RARB: variants seen among roughly 807,000 people sequenced by gnomAD.
RARB encodes the protein retinoic acid receptor beta, also known as HBV-activated protein.
Under a neutral mutation model 51.9 loss-of-function variants are expected in RARB, and 17 were observed. The ratio of observed to expected loss-of-function variants is 0.33; its 90% CI spans 0.22 to 0.49. RARB has a LOEUF of 0.49. Ranked by LOEUF, RARB falls within the 20% of genes least tolerant of loss-of-function variation. The pLI, the probability that RARB is intolerant of heterozygous loss-of-function variation, is 0.99. For synonymous variants in RARB, 215 were observed against 195.4 expected (o/e 1.10, Z -0.84); for missense variants, 369 against 550.8 (o/e 0.67, Z 3.30).
intron 3 of RARB, among the ~76,000 whole-genome samples, chr3:25,086,304 A>C (rs188857702): frequency 1.1e-3 from 160 of 152,332 alleles, no homozygotes; most frequent in Non-Finnish European, 9.6e-4. Flanking sequence ...GATAGTGGGC[A>C]AAGTAACTTC....
At chr3:24,942,011 A>C (rs1293881281) in intron 2 of RARB, among the ~76,000 whole-genome samples, 1 of 152,230 alleles carries the variant, frequency 6.6e-6, no homozygotes, top group Admixed American at 6.5e-5. Context: ...TTTCCACAGC[A>C]CAGAAATGAT....
chr3:25,173,396 A>G (rs1042605930), intron 4 of RARB, among the ~76,000 whole-genome samples: 8 of 152,222 alleles, frequency 5.3e-5, no homozygotes, highest in African/African-American at 1.7e-4. Flanking sequence ...ATTGGTGAAT[A>G]GGTGACTGGA....
chr3:24,839,695 C>T (rs1355161978), intron 1 of RARB, among the ~76,000 whole-genome samples: 3 of 90,028 alleles, frequency 3.3e-5, no homozygotes, highest in African/African-American at 9.7e-5. Context: ...CGGACCAAGA[C>T]GCTGTCTCAA....
At chr3:24,962,415 T>C (rs1037803583) in intron 2 of RARB, among the ~76,000 whole-genome samples, 1 of 152,142 alleles carries the variant, frequency 6.6e-6, no homozygotes, top group Non-Finnish European at 1.5e-5. Context: ...GACAATCAGA[T>C]ATGTCTCAAG....
intron 3 of RARB, among the ~76,000 whole-genome samples, chr3:25,073,143 A>G (rs1393153776): frequency 6.6e-6 from 1 of 152,230 alleles, no homozygotes; most frequent in Non-Finnish European, 1.5e-5. Context: ...AAGCCAGGCA[A>G]GTGATGTGTG....
At chr3:25,276,621 G>A (rs1270821647) in intron 5 of RARB, among the ~76,000 whole-genome samples, 3 of 152,148 alleles carry the variant, frequency 2.0e-5, no homozygotes, top group South Asian at 4.1e-4. Flanking sequence ...AAGAAAGGAT[G>A]TTAAAAGACA....
chr3:24,927,638 TATTC>T (rs1695348521), intron 2 of RARB, among the ~76,000 whole-genome samples: 1 of 152,054 alleles, frequency 6.6e-6, no homozygotes, highest in Non-Finnish European at 1.5e-5. Flanking sequence ...AGCCAAGAAA[TATTC>T]ATACCCTCAA....
chr3:25,305,342 C>T (rs1704129973), intron 5 of RARB, among the ~76,000 whole-genome samples: 1 of 152,010 alleles, frequency 6.6e-6, no homozygotes, highest in Non-Finnish European at 1.5e-5. Flanking sequence ...AGCAATGCCC[C>T]AGAGCCAAGA....
intron 3 of RARB, among the ~76,000 whole-genome samples, chr3:25,122,251 T>C (rs1001543857): frequency 1.6e-4 from 24 of 152,106 alleles, no homozygotes; most frequent in African/African-American, 5.8e-4. Flanking sequence ...TTTGAGAAGT[T>C]GTGCGATGCT....
intron 5 of RARB, among the ~76,000 whole-genome samples, chr3:25,236,277 T>G (rs1333089617): frequency 6.6e-6 from 1 of 152,172 alleles, no homozygotes; most frequent in Non-Finnish European, 1.5e-5. Context: ...TAGTGGATAA[T>G]TGGGCACTCT....
intron 3 of RARB, among the ~76,000 whole-genome samples, chr3:25,559,605 G>A (rs1263340733): frequency 6.6e-6 from 1 of 152,240 alleles, no homozygotes; most frequent in Non-Finnish European, 1.5e-5. Flanking sequence ...CAAAGTGTAA[G>A]TGCTCAATAA....
At chr3:25,413,027 A>G (rs1707607390) in intron 5 of RARB, among the ~76,000 whole-genome samples, 1 of 151,656 alleles carries the variant, frequency 6.6e-6, no homozygotes, top group African/African-American at 2.4e-5. Context: ...CTTGGGGGAA[A>G]AAAAAAAAAG....
chr3:25,274,507 TA>T (rs1296756506), intron 5 of RARB, among the ~76,000 whole-genome samples: 1 of 152,040 alleles, frequency 6.6e-6, no homozygotes, highest in Non-Finnish European at 1.5e-5. Flanking sequence ...GACTGCTGAG[TA>T]AAAAGATGGG....
chr3:25,387,790 G>T (rs951335439), intron 5 of RARB, among the ~76,000 whole-genome samples: 2 of 151,530 alleles, frequency 1.3e-5, no homozygotes, highest in Non-Finnish European at 2.9e-5. Context: ...TGACAAAGCA[G>T]CTTTTGTGTT....
At chr3:25,228,644 T>C (rs193291676) in intron 5 of RARB, among the ~76,000 whole-genome samples, 2 of 152,258 alleles carry the variant, frequency 1.3e-5, no homozygotes, top group African/African-American at 4.8e-5. Flanking sequence ...CTTAACTTTT[T>C]TTGGTGGGAG....
At chr3:25,181,455 G>C (rs987018808) in intron 5 of RARB, among the ~76,000 whole-genome samples, 1 of 152,136 alleles carries the variant, frequency 6.6e-6, no homozygotes, top group Non-Finnish European at 1.5e-5. Context: ...GCTGGTGAGG[G>C]AATTTTGGAA....
In RARB at chr3:25,253,093, A is replaced by G. The variant is rs554109395; in HGVS notation, c.178+78518A>G. On this transcript the variant is annotated intron_variant, in intron 5 of 11. Coordinates refer to the RARB transcript ENST00000383772. ...ATTACATGTGGGAGGTAGATGATAG[A>G]AGGTTTAATTATCCCATTTGCCTAA... Among the ~76,000 whole-genome samples, 6 of 152,312 alleles carry G rather than the reference A, an allele frequency of 3.9e-5. No homozygotes were observed. In the East Asian group the frequency reaches 1.2e-3, roughly 29 times the overall value.
At chr3:25,323,016 T>G (rs1029067275) in intron 5 of RARB, among the ~76,000 whole-genome samples, 1 of 152,204 alleles carries the variant, frequency 6.6e-6, no homozygotes, top group Non-Finnish European at 1.5e-5. Context: ...TGCACATTAC[T>G]GGGGTCAGAG....
rs564285832 is a variant in RARB, at chr3:25,395,988, T to C, written c.179-65205T>C. On this transcript the variant is annotated intron_variant, in intron 5 of 11. Coordinates refer to the RARB transcript ENST00000383772. ...CTGGTTCCCTCTCATTTGGGTAGAT[T>C]ATGTCAGAGGGAGGATCTGGGACTC... Among the ~76,000 whole-genome samples the C allele has an allele frequency of 2.6e-5, 4 of 152,328 alleles. No individual in the cohort carries two copies. In the South Asian group the frequency reaches 8.3e-4, roughly 32 times the overall value.
Sources: allele counts gnomAD v4.1 joint callset (sites outside exome capture counted in the v4.1 genomes callset), GRCh38; gene constraint gnomAD v4.1.1; transcripts MANE v1.5; gene names NCBI Gene and HGNC (gene_info 2026-07-23, HGNC 2026-07-21).